The following PRKCE variants were observed in gnomAD, a reference collection of about 807,000 sequenced individuals.
The protein encoded by PRKCE is protein kinase C epsilon, also known as protein kinase C epsilon type.
A neutral mutation model predicts 85.4 loss-of-function variants in PRKCE; 16 were observed. The observed-to-expected ratio is 0.19, with a 90% CI of 0.13 to 0.28. The LOEUF (loss-of-function observed/expected upper bound fraction) is 0.28, where lower values mean the gene tolerates loss of function less well. Ranked by LOEUF, PRKCE falls within the 10% of genes least tolerant of loss-of-function variation. PRKCE has a pLI of 1.00. For synonymous variants in PRKCE, 388 were observed against 371.5 expected (o/e 1.04, Z -0.51); for missense variants, 573 against 975.2 (o/e 0.59, Z 5.49).
chr2:45,708,125 G>A (rs372068987), intron 1 of PRKCE, among the ~76,000 whole-genome samples: 5 of 152,132 alleles, frequency 3.3e-5, no homozygotes, highest in South Asian at 2.1e-4. Context: ...TCCTCCCTAC[G>A]CATCATAGGT....
chr2:46,182,981 G>A (rs1680146278), intron 14 of PRKCE, among the ~76,000 whole-genome samples: 3 of 152,182 alleles, frequency 2.0e-5, no homozygotes, highest in African/African-American at 7.2e-5. Context: ...CTCTTACCCA[G>A]TCCAGTGACC....
At chr2:45,655,945 A>G (rs1421714187) in intron 1 of PRKCE, among the ~76,000 whole-genome samples, 1 of 151,154 alleles carries the variant, frequency 6.6e-6, no homozygotes. Context: ...AGTAGGTTAT[A>G]TTTAAAGAGG....
intron 2 of PRKCE, among the ~76,000 whole-genome samples, chr2:45,967,144 C>T (rs1574055623): frequency 6.6e-6 from 1 of 152,138 alleles, no homozygotes; most frequent in African/African-American, 2.4e-5. Context: ...GTAAATACCC[C>T]CATGGTGGCC....
chr2:46,001,750 A>G lies in PRKCE; in HGVS notation c.966+204A>G, dbSNP rs1420133813. Among the ~76,000 whole-genome samples, 4 of 152,232 alleles carry G rather than the reference A, an allele frequency of 2.6e-5. No homozygotes were observed. Among genetic ancestry groups the G allele is most frequent in the African/African-American group, 9.6e-5 (4 of 41,464 alleles). On this transcript the variant is annotated intron_variant, in intron 7 of 14. Coordinates refer to ENST00000306156, the MANE Select transcript of PRKCE (RefSeq NM_005400.3). This position sits in a 1 kb window ranked among gnomAD's most constrained non-coding sequence, Gnocchi z 4.4. ...TTCTTGAGCTCCAAAAGTGGACTGA[A>G]AACACAGCAAGCCTCAAGGGTTACG...
chr2:45,693,658 A>G (rs941189405), intron 1 of PRKCE, among the ~76,000 whole-genome samples: 3 of 152,188 alleles, frequency 2.0e-5, no homozygotes, highest in African/African-American at 7.2e-5. Flanking sequence ...GCTGGTCTCA[A>G]GAAAACTCTC....
At chr2:45,750,298 AG>A (rs1370906971) in intron 1 of PRKCE, among the ~76,000 whole-genome samples, 4 of 152,144 alleles carry the variant, frequency 2.6e-5, no homozygotes, top group Non-Finnish European at 5.9e-5. Flanking sequence ...TCCCTCCCCC[AG>A]CCCCTGGGAA....
intron 1 of PRKCE, among the ~76,000 whole-genome samples, chr2:45,717,041 CA>C (rs1680184615): frequency 2.5e-5 from 1 of 39,562 alleles, no homozygotes; most frequent in South Asian, 7.7e-4. Flanking sequence ...ATGGGTACTA[CA>C]AGATGAGATG....
intron 2 of PRKCE, among the ~76,000 whole-genome samples, chr2:45,934,536 C>T (rs191544557): frequency 3.9e-5 from 6 of 152,024 alleles, no homozygotes; most frequent in African/African-American, 1.4e-4. Context: ...GTAATTCCAG[C>T]TACTTGGGAG....
At chr2:45,794,980 T>G (rs1687320187) in intron 1 of PRKCE, among the ~76,000 whole-genome samples, 1 of 152,172 alleles carries the variant, frequency 6.6e-6, no homozygotes, top group African/African-American at 2.4e-5. Context: ...TGTTGGTTTG[T>G]TGCTGTTGTT....
chr2:46,002,093 T>C (rs1704733804), intron 7 of PRKCE, among the ~76,000 whole-genome samples: 1 of 152,228 alleles, frequency 6.6e-6, no homozygotes, highest in Admixed American at 6.5e-5. Flanking sequence ...TCTATCTCTG[T>C]GACATTCTAA....
chr2:45,792,291 C>G (rs1320292045), intron 1 of PRKCE, among the ~76,000 whole-genome samples: 2 of 152,208 alleles, frequency 1.3e-5, no homozygotes, highest in African/African-American at 4.8e-5. Flanking sequence ...TGGCACCAAG[C>G]CATTCATGAG....
chr2:45,652,122 C>G lies in PRKCE; in HGVS notation c.22C>G (p.Leu8Val). ...GACCATGGTAGTGTTCAATGGCCTT[C>G]TTAAGATCAAAATCTGCGAGGCCGT... is the stretch of plus-strand genomic sequence containing the variant. Reference protein sequence around the residue: MVVFNGLLKIKICEAVSL... With the variant: MVVFNGLVKIKICEAVSL... The change falls in exon 1 of 15, where the codon CTT becomes GTT. Residue 8 changes from leucine to valine, a missense_variant. Leu to Val is a conservative substitution (Grantham distance 32, BLOSUM62 1). Coordinates refer to ENST00000306156, the MANE Select transcript of PRKCE (RefSeq NM_005400.3). The surrounding 1 kb of genome is among the most constrained non-coding windows in gnomAD (Gnocchi z 7.7). 1 of 1,566,996 alleles carries G rather than the reference C, an allele frequency of 6.4e-7. No individual in the cohort carries two copies. The highest frequency in any genetic ancestry group is 8.7e-7 in the Non-Finnish European group (1 of 1,155,474).
chr2:46,098,156 T>A (rs972825504), intron 11 of PRKCE, among the ~76,000 whole-genome samples: 2 of 152,210 alleles, frequency 1.3e-5, no homozygotes, highest in African/African-American at 4.8e-5. Context: ...GTGTCTTTCA[T>A]GGTAGCTCAT....
intron 2 of PRKCE, among the ~76,000 whole-genome samples, chr2:45,859,001 G>A (rs544524206): frequency 9.2e-5 from 14 of 151,684 alleles, no homozygotes; most frequent in Non-Finnish European, 1.6e-4. Context: ...AGGTCAGGGC[G>A]TTGTATTCCA....
At chr2:45,812,889 C>T (rs974661636) in intron 1 of PRKCE, among the ~76,000 whole-genome samples, 11 of 152,054 alleles carry the variant, frequency 7.2e-5, no homozygotes, top group East Asian at 1.9e-4. Context: ...AATAATAGTC[C>T]GCCAGGAAAA....
chr2:45,908,927 C>T (rs370318338), intron 2 of PRKCE, among the ~76,000 whole-genome samples: 184 of 152,292 alleles, frequency 1.2e-3, no homozygotes, highest in African/African-American at 4.2e-3. Flanking sequence ...TGGCAGCTTT[C>T]TACTTAGCAC....
chr2:45,772,959 G>C (rs932953052), intron 1 of PRKCE, among the ~76,000 whole-genome samples: 1 of 152,104 alleles, frequency 6.6e-6, no homozygotes, highest in African/African-American at 2.4e-5. Flanking sequence ...ATGGCAGGTG[G>C]CTGGGCCGTG....
chr2:46,091,504 C>T (rs1247387725), intron 11 of PRKCE, among the ~76,000 whole-genome samples: 1 of 152,192 alleles, frequency 6.6e-6, no homozygotes, highest in Non-Finnish European at 1.5e-5. Context: ...GAAGGCTTGG[C>T]AGCCAGGAAG....
chr2:45,761,326 CAAAAAA>C (rs370710295), intron 1 of PRKCE, among the ~76,000 whole-genome samples: 32 of 82,248 alleles, frequency 3.9e-4, no homozygotes, highest in African/African-American at 1.5e-3. Context: ...GACTCCATCT[CAAAAAA>C]AAAAAAAAAA....
Sources: gnomAD v4.1 joint callset for allele counts (sites outside exome capture counted in the v4.1 genomes callset) on GRCh38, gnomAD v4.1.1 for gene constraint, Gnocchi (gnomAD v3.1) non-coding constraint, MANE v1.5 for transcripts, NCBI Gene and HGNC (gene_info 2026-07-23, HGNC 2026-07-21) for gene names.